RASA1: variants seen among roughly 807,000 people sequenced by gnomAD.
RASA1 encodes the protein ras GTPase-activating protein 1.
Under a neutral mutation model 132.2 loss-of-function variants are expected in RASA1, and 25 were observed. The observed-to-expected ratio is 0.19, with a 90% confidence interval of 0.14 to 0.26. The LOEUF is 0.26. Among genes scored for constraint, RASA1 ranks in the 10% least tolerant of loss-of-function variants. The pLI is 1.00. For missense variants in RASA1, 964 were observed against 1,299.2 expected, an observed-to-expected ratio of 0.74 and a Z score of 3.97; for synonymous variants, 477 against 449.9, an observed-to-expected ratio of 1.06 and a Z score of -0.76.
chr5:87,324,625 A>G (rs185214598), intron 1 of RASA1, among the ~76,000 whole-genome samples: 9 of 152,288 alleles, frequency 5.9e-5, no homozygotes, highest in Non-Finnish European at 1.0e-4. Context: ...ACTTGATCTG[A>G]GATAAATACA....
At position 87,369,829 on chromosome 5, in the gene RASA1, A is replaced by G. The variant is rs1760799694; in HGVS notation, c.1627A>G (p.Ile543Val). The change falls in exon 12 of 25, where the codon ATA (isoleucine) becomes GTA (valine). Residue 543 changes from isoleucine to valine, a missense_variant. Physicochemically the swap from Ile to Val is conservative, Grantham distance 29. This residue lies in a region of RASA1 where 346 missense variants were observed against 520.1 expected (regional missense o/e 0.67). Coordinates refer to ENST00000274376, the MANE Select transcript of RASA1 (RefSeq NM_002890.3). ...ATTTTAAAGGCCAAACTGTTTTCAGATAGTAGTTCAGCACTTTAGTGAAGA... is the reference window on the plus strand; with the variant it reads ...ATTTTAAAGGCCAAACTGTTTTCAGGTAGTAGTTCAGCACTTTAGTGAAGA... ...SLFGRPNCFQ[I>V]VVQHFSEEHY... The G allele has an allele frequency of 6.2e-7, 1 of 1,611,624 alleles. No homozygotes were observed. The highest frequency in any genetic ancestry group is 1.1e-5 in the South Asian group (1 of 90,838).
intron 2 of RASA1, among the ~76,000 whole-genome samples, chr5:87,332,060 G>C (rs1757647352): frequency 6.6e-6 from 1 of 151,922 alleles, no homozygotes; most frequent in Non-Finnish European, 1.5e-5. Flanking sequence ...GTGTACCCTT[G>C]GTTTTTAGAT....
intron 11 of RASA1, 134 bp from the exon 12 acceptor site, chr5:87,369,679 G>A (rs2112474414): frequency 1.5e-6 from 1 of 652,730 alleles, no homozygotes; most frequent in South Asian, 2.0e-5. Context: ...GTAATGATCT[G>A]GTACAATGGA....
chr5:87,291,888 ATTTC>A (rs890540541), intron 1 of RASA1, among the ~76,000 whole-genome samples: 1 of 152,192 alleles, frequency 6.6e-6, no homozygotes, highest in Non-Finnish European at 1.5e-5. Flanking sequence ...AGGCTCAGGT[ATTTC>A]TTTATAGCCA....
intron 1 of RASA1, among the ~76,000 whole-genome samples, chr5:87,281,312 G>T (rs576191299): frequency 1.3e-5 from 2 of 149,436 alleles, no homozygotes; most frequent in African/African-American, 5.0e-5. Flanking sequence ...GCGTGATCTC[G>T]TCTCACTGCA....
intron 1 of RASA1, among the ~76,000 whole-genome samples, chr5:87,283,200 G>A (rs1405890054): frequency 7.0e-6 from 1 of 142,140 alleles, no homozygotes; most frequent in African/African-American, 2.6e-5. Context: ...CATTTGGTTG[G>A]TTTTACAACC....
chr5:87,337,933 A>G (rs760386165), intron 4 of RASA1, 41 bp from the exon 5 acceptor site: 3 of 1,541,332 alleles, frequency 1.9e-6, no homozygotes, highest in Non-Finnish European at 1.8e-6. Context: ...CTCTGTATTT[A>G]AAATTTTTAA....
chr5:87,381,408 C>T (rs1310546714), intron 20 of RASA1, among the ~76,000 whole-genome samples: 1 of 152,110 alleles, frequency 6.6e-6, no homozygotes, highest in African/African-American at 2.4e-5. Context: ...AATGCGAAAG[C>T]GTCATGGAAT....
intron 13 of RASA1, among the ~76,000 whole-genome samples, chr5:87,372,734 CTT>C (rs998920261): frequency 6.6e-6 from 1 of 151,972 alleles, no homozygotes; most frequent in Non-Finnish European, 1.5e-5. Flanking sequence ...CATTTCTTGG[CTT>C]TTTTCTTTTT....
intron 4 of RASA1, among the ~76,000 whole-genome samples, chr5:87,336,554 T>C (rs1757986518): frequency 6.6e-6 from 1 of 152,108 alleles, no homozygotes; most frequent in Non-Finnish European, 1.5e-5. Flanking sequence ...CACAAAATAA[T>C]ATAGAATGAG....
intron 20 of RASA1, among the ~76,000 whole-genome samples, chr5:87,382,566 TA>T (rs1477222649): frequency 6.6e-6 from 1 of 152,130 alleles, no homozygotes; most frequent in Non-Finnish European, 1.5e-5. Flanking sequence ...GGATTCTTCT[TA>T]AAAGGAAATT....
intron 12 of RASA1, among the ~76,000 whole-genome samples, chr5:87,371,882 A>T (rs1021744453): frequency 6.6e-6 from 1 of 152,148 alleles, no homozygotes; most frequent in Non-Finnish European, 1.5e-5. Context: ...TCATACATAA[A>T]TTCAAACAAA....
At chr5:87,318,297 G>A (rs1232648750) in intron 1 of RASA1, 1 of 152,080 alleles carries the variant, frequency 6.6e-6, no homozygotes, top group Non-Finnish European at 1.5e-5. Flanking sequence ...CCAGTATAGG[G>A]GAACATGTAA....
At chr5:87,334,102 T>A (rs1757787910) in intron 4 of RASA1, among the ~76,000 whole-genome samples, 1 of 152,146 alleles carries the variant, frequency 6.6e-6, no homozygotes, top group Non-Finnish European at 1.5e-5. Context: ...TAGAGGAGAT[T>A]TTTTTACGGA....
intron 1 of RASA1, among the ~76,000 whole-genome samples, chr5:87,306,392 C>G (rs1033930672): frequency 6.6e-6 from 1 of 152,144 alleles, no homozygotes; most frequent in Admixed American, 6.5e-5. Context: ...ACTGCATGCT[C>G]TCACTTATAA....
rs534160838 is a variant in RASA1 at position 87,341,272 on chromosome 5, T to C, written c.1018-18T>C. The stretch of plus-strand genomic sequence containing the variant: ...ATAGTTAATTATATAAAATACTGTC[T>C]TAATGTCTTCCCTTTAGGGCCGGGA... On this transcript the variant is annotated intron_variant, in intron 5 of 24. Coordinates refer to ENST00000274376, the MANE Select transcript of RASA1 (RefSeq NM_002890.3). The C allele has an allele frequency of 3.0e-5, 39 of 1,313,606 alleles. No individual in the cohort carries two copies. Among genetic ancestry groups the C allele is most frequent in the Admixed American group, 7.2e-5 (2 of 27,620 alleles). The allele number at this position is 1,313,606 out of a possible 1,614,324, so 81.4% of individuals were successfully genotyped here.
At chr5:87,282,599 A>G (rs1356557567) in intron 1 of RASA1, among the ~76,000 whole-genome samples, 2 of 152,172 alleles carry the variant, frequency 1.3e-5, no homozygotes, top group African/African-American at 4.8e-5. Flanking sequence ...TTTTTCTCCA[A>G]ATACGGATGT....
At chr5:87,318,352 G>A (rs1029079866) in intron 1 of RASA1, 2 of 152,092 alleles carry the variant, frequency 1.3e-5, no homozygotes, top group Non-Finnish European at 2.9e-5. Flanking sequence ...AAATGCAGAG[G>A]ATTTTAAAGG....
chr5:87,306,192 C>T (rs973569412), intron 1 of RASA1, among the ~76,000 whole-genome samples: 9 of 152,054 alleles, frequency 5.9e-5, no homozygotes, highest in South Asian at 2.1e-4. Flanking sequence ...GCACTCTTCA[C>T]GGTAGCAGAG....
Sources: allele counts gnomAD v4.1 joint callset (sites outside exome capture counted in the v4.1 genomes callset), GRCh38; gene constraint gnomAD v4.1.1; regional missense constraint gnomAD v4.1.1; transcripts MANE v1.5; gene names NCBI Gene and HGNC (gene_info 2026-07-23, HGNC 2026-07-21).